The following HUNK variants were observed in gnomAD, a reference collection of about 807,000 sequenced individuals.
The protein encoded by HUNK is hormonally up-regulated neu tumor-associated kinase.
Under a neutral mutation model 61.0 loss-of-function variants are expected in HUNK, and 21 were observed. The observed-to-expected ratio is 0.34, with a 90% CI of 0.24 to 0.50. The LOEUF (loss-of-function observed/expected upper bound fraction) is 0.50. Among genes scored for constraint, HUNK ranks in the 20% least tolerant of loss-of-function variants. The pLI is 0.98. For missense variants in HUNK, 772 were observed against 945.7 expected (o/e 0.82, Z 2.41); for synonymous variants, 371 against 386.1 (o/e 0.96, Z 0.46).
rs35762828 is a variant in HUNK, at chr21:31,886,423, CA to C, written c.261+12503del. Among the ~76,000 whole-genome samples the C allele has an allele frequency of 4.0e-3, 516 of 130,550 alleles. 3 individuals are homozygous for C. The highest frequency in any genetic ancestry group is 9.4e-3 in the African/African-American group (338 of 35,788). The allele number at this position is 130,550 out of a possible 152,430, so 85.6% of individuals were successfully genotyped here. A position where few individuals can be genotyped will look rare whatever the true frequency, so the allele number is the denominator to read the frequency against. ...ACTGGGAGACAGAATGAGACTGTCTCAAAAAAAAAAAAAAAGACCCCTCATA... is the reference window on the plus strand; with the variant it reads ...ACTGGGAGACAGAATGAGACTGTCTCAAAAAAAAAAAAAAGACCCCTCATA... On this transcript the variant is annotated intron_variant, in intron 1 of 10. Coordinates refer to ENST00000270112, the MANE Select transcript of HUNK (RefSeq NM_014586.2).
chr21:31,908,993 C>T (rs916632975), intron 1 of HUNK, among the ~76,000 whole-genome samples: 9 of 152,094 alleles, frequency 5.9e-5, no homozygotes, highest in African/African-American at 2.2e-4. Flanking sequence ...GACACTTTTC[C>T]AAACCAAAGA....
At chr21:31,956,341 T>A (rs1601397257) in intron 4 of HUNK, among the ~76,000 whole-genome samples, 1 of 152,090 alleles carries the variant, frequency 6.6e-6, no homozygotes, top group Non-Finnish European at 1.5e-5. Context: ...TGTTCAGTGG[T>A]CCCCAGCAAC....
Position 32,002,380 on chromosome 21 carries a change from T to C in HUNK, c.*3196T>C, listed in dbSNP as rs2409426. The C allele has an allele frequency of 0.98, 150,048 of 152,360 alleles. 73,898 individuals carry two copies. Among genetic ancestry groups the C allele is most frequent in the East Asian group, 1 (5,183 of 5,184 alleles). The allele number at this position is 152,360 out of a possible 1,614,324, so 9.4% of individuals were successfully genotyped here. A position where few individuals can be genotyped will look rare whatever the true frequency, so the allele number is the denominator to read the frequency against. ...CTGAGATTACAGGCGTGAGCCACTG[T>C]GCCTGGCCTTATGTAAAGCTCTTGA... On this transcript the variant is annotated 3_prime_UTR_variant, in exon 11 of 11. Coordinates refer to ENST00000270112, the MANE Select transcript of HUNK (RefSeq NM_014586.2).
At chr21:31,891,046 C>A (rs536027478) in intron 1 of HUNK, among the ~76,000 whole-genome samples, 6 of 152,104 alleles carry the variant, frequency 3.9e-5, no homozygotes, top group Non-Finnish European at 7.4e-5. Context: ...CCGAGCACCC[C>A]CCAGCCCTGG....
intron 1 of HUNK, among the ~76,000 whole-genome samples, chr21:31,878,697 C>T (rs2052284246): frequency 6.6e-6 from 1 of 152,160 alleles, no homozygotes; most frequent in African/African-American, 2.4e-5. Flanking sequence ...GGCATGGTCT[C>T]TGGCACATGA....
intron 2 of HUNK, among the ~76,000 whole-genome samples, chr21:31,935,345 T>C (rs1250053823): frequency 3.9e-5 from 6 of 152,226 alleles, no homozygotes; most frequent in Non-Finnish European, 8.8e-5. Context: ...ACATTTTCCC[T>C]GTTACGAATA....
chr21:31,885,737 A>T (rs1258901322), intron 1 of HUNK, among the ~76,000 whole-genome samples: 3 of 151,378 alleles, frequency 2.0e-5, no homozygotes, highest in East Asian at 1.9e-4. Flanking sequence ...TCCCTTTTGT[A>T]TTTTTTTATT....
At chr21:31,996,036 C>T in intron 10 of HUNK, 88 bp downstream of exon 10, 5 of 988,668 alleles carry the variant, frequency 5.1e-6, no homozygotes, top group Non-Finnish European at 7.5e-6. Context: ...TCGAATGGGC[C>T]CTAGAGCAGA....
At chr21:31,988,684 C>T (rs969278351) in intron 8 of HUNK, among the ~76,000 whole-genome samples, 4 of 132,478 alleles carry the variant, frequency 3.0e-5, no homozygotes, top group Admixed American at 2.9e-4. Context: ...TCTTTCTTTT[C>T]TTTTTCTTTT....
chr21:31,876,319 C>T (rs1483099278), intron 1 of HUNK, among the ~76,000 whole-genome samples: 2 of 152,124 alleles, frequency 1.3e-5, no homozygotes, highest in Non-Finnish European at 1.5e-5. Flanking sequence ...CCAGGGATTG[C>T]GGGCATTGGG....
intron 2 of HUNK, among the ~76,000 whole-genome samples, chr21:31,934,368 G>A (rs1451413177): frequency 1.3e-5 from 2 of 150,600 alleles, no homozygotes; most frequent in East Asian, 1.9e-4. Flanking sequence ...GCATGAACCC[G>A]GGAAGCGGAA....
Position 31,999,371 on chromosome 21 carries a change from G to C in HUNK, c.*187G>C, listed in dbSNP as rs932656988. 1 of 564,378 alleles carries C rather than the reference G, an allele frequency of 1.8e-6. No individual in the cohort carries two copies. The highest frequency in any genetic ancestry group is 2.9e-5 in the East Asian group (1 of 34,050). The allele number at this position is 564,378 out of a possible 1,614,324, so 35.0% of individuals were successfully genotyped here. A position where few individuals can be genotyped will look rare whatever the true frequency, so the allele number is the denominator to read the frequency against. On this transcript the variant is annotated 3_prime_UTR_variant, in exon 11 of 11. Coordinates refer to ENST00000270112, the MANE Select transcript of HUNK (RefSeq NM_014586.2). ...AGGGACCCCCAGAGATGCTGGAATC[G>C]CTAGGAGGGTTGGCTCCAGGGGCAG...
At chr21:31,964,152 T>TA (rs1425996398) in intron 5 of HUNK, among the ~76,000 whole-genome samples, 1 of 152,216 alleles carries the variant, frequency 6.6e-6, no homozygotes, top group Admixed American at 6.5e-5. Flanking sequence ...CACTTCAGGT[T>TA]ATGATGGTTT....
chr21:31,969,244 C>G (rs1159477825), intron 6 of HUNK, among the ~76,000 whole-genome samples: 1 of 152,156 alleles, frequency 6.6e-6, no homozygotes, highest in East Asian at 1.9e-4. Context: ...CAACATCAAA[C>G]AGAAACATGG....
At chr21:31,991,236 G>A (rs1220618444) in intron 9 of HUNK, among the ~76,000 whole-genome samples, 1 of 149,094 alleles carries the variant, frequency 6.7e-6, no homozygotes. Context: ...TTTTTTTTTT[G>A]AGGTGGAGTC....
chr21:31,983,611 T>C lies in HUNK; in HGVS notation c.1257+2T>C. The C allele has an allele frequency of 1.2e-6, 2 of 1,609,130 alleles. No homozygotes were observed. The highest frequency in any genetic ancestry group is 1.7e-6 in the Non-Finnish European group (2 of 1,176,296). On this transcript the variant is annotated splice_donor_variant, in intron 8 of 10. Transcript: ENST00000270112. LOFTEE classifies it high-confidence loss of function. ...AGGGCCCCCAAGGAGTCCTATGAGG[T>C]GAGTGACCCCTGAAGCAAACCTCAG...
At chr21:31,876,937 T>G (rs1048675450) in intron 1 of HUNK, among the ~76,000 whole-genome samples, 6 of 152,270 alleles carry the variant, frequency 3.9e-5, no homozygotes, top group Middle Eastern at 3.4e-3. Flanking sequence ...TGTGAGCCAC[T>G]GCACCTGGCC....
chr21:31,877,942 T>C (rs2052277288), intron 1 of HUNK, among the ~76,000 whole-genome samples: 1 of 152,052 alleles, frequency 6.6e-6, no homozygotes. Context: ...ATAAGGAAAG[T>C]GACTTACAGA....
intron 1 of HUNK, among the ~76,000 whole-genome samples, chr21:31,914,518 T>C (rs770705814): frequency 1.1e-3 from 173 of 151,822 alleles, no homozygotes; most frequent in Non-Finnish European, 2.0e-3. Flanking sequence ...TCCCGTAGAA[T>C]TGTAGGATGC....
Sources: allele counts gnomAD v4.1 joint callset (sites outside exome capture counted in the v4.1 genomes callset), GRCh38; gene constraint gnomAD v4.1.1; transcripts MANE v1.5; gene names NCBI Gene and HGNC (gene_info 2026-07-23, HGNC 2026-07-21).